CLSTN2: variants seen among roughly 807,000 people sequenced by gnomAD.
The protein encoded by CLSTN2 is calsyntenin-2.
A neutral mutation model predicts 101.2 loss-of-function variants in CLSTN2; 48 were observed. The observed-to-expected ratio is 0.47, with a 90% CI of 0.38 to 0.60. CLSTN2 has a LOEUF of 0.60. Among genes scored for constraint, CLSTN2 ranks in the 20% least tolerant of loss-of-function variants. CLSTN2 has a pLI of 0.00. For synonymous variants in CLSTN2, 481 were observed against 463.6 expected (o/e 1.04, Z -0.48); for missense variants, 1,160 against 1,238.2 (o/e 0.94, Z 0.95).
At chr3:140,560,898 G>A (rs982701025) in intron 12 of CLSTN2, among the ~76,000 whole-genome samples, 10 of 152,172 alleles carry the variant, frequency 6.6e-5, no homozygotes, top group African/African-American at 1.7e-4. Context: ...TGTCTTAAGC[G>A]TATGTTATTG....
At position 140,163,419 on chromosome 3, in the gene CLSTN2, T is replaced by TACACACACACACACACACACACACACAC. The variant is rs60464575; in HGVS notation, c.110-12528_110-12501dup. On this transcript the variant is annotated intron_variant, in intron 1 of 16. Transcript: ENST00000458420. ...TCAATTCTTTAAAATTTTCTATCTCTACACACACACACACACACACACACA... is the reference window on the plus strand; with the variant it reads ...TCAATTCTTTAAAATTTTCTATCTCTACACACACACACACACACACACACACACACACACACACACACACACACACACA... Among the ~76,000 whole-genome samples the TACACACACACACACACACACACACACAC allele has an allele frequency of 1.7e-3, 247 of 145,098 alleles. 1 individual carries two copies. The highest frequency in any genetic ancestry group is 6.0e-3 in the African/African-American group (237 of 39,670).
At chr3:140,457,609 T>A (rs1336094186) in intron 6 of CLSTN2, among the ~76,000 whole-genome samples, 1 of 152,164 alleles carries the variant, frequency 6.6e-6, no homozygotes, top group Non-Finnish European at 1.5e-5. Flanking sequence ...ATAAGTAACA[T>A]GGATATCAAT....
At chr3:140,563,534 C>T (rs1295688558) in intron 15 of CLSTN2, among the ~76,000 whole-genome samples, 2 of 152,164 alleles carry the variant, frequency 1.3e-5, no homozygotes, top group Non-Finnish European at 2.9e-5. Context: ...CACCATATTG[C>T]AACGTCCTCT....
At chr3:140,516,493 A>G (rs776213806) in intron 8 of CLSTN2, among the ~76,000 whole-genome samples, 1 of 151,218 alleles carries the variant, frequency 6.6e-6, no homozygotes, top group African/African-American at 2.4e-5. Flanking sequence ...TTCAAGATTT[A>G]GAGGTGCTTT....
chr3:140,506,750 G>A, intron 8 of CLSTN2: 1 of 152,196 alleles, frequency 6.6e-6, no homozygotes, highest in East Asian at 1.9e-4. Flanking sequence ...TTAGTCACCT[G>A]TGACTGTCAA....
Position 139,935,370 on chromosome 3 carries a change from C to G in CLSTN2, c.-5C>G. 1 of 1,225,710 alleles carries G rather than the reference C, an allele frequency of 8.2e-7. No individual in the cohort carries two copies. Among genetic ancestry groups the G allele is most frequent in the Non-Finnish European group, 1.0e-6 (1 of 983,072 alleles). 75.9% of individuals were successfully genotyped at this position (1,225,710 alleles called of 1,614,324 possible). A position where few individuals can be genotyped will look rare whatever the true frequency, so the allele number is the denominator to read the frequency against. On this transcript the variant is annotated 5_prime_UTR_variant, in exon 1 of 17. Coordinates refer to ENST00000458420, the MANE Select transcript of CLSTN2 (RefSeq NM_022131.3). The surrounding 1 kb of genome is among the most constrained non-coding windows in gnomAD (Gnocchi z 5.5). ...GGCTGCAGCTCGTTGGCGGCTGCTG[C>G]GAGGATGCTGCCTGGGCGGCTGTGC...
intron 8 of CLSTN2, among the ~76,000 whole-genome samples, chr3:140,495,892 T>C (rs946726767): frequency 2.6e-5 from 4 of 152,230 alleles, no homozygotes; most frequent in Non-Finnish European, 5.9e-5. Context: ...TGAAGTCAGG[T>C]AGCATGATGC....
At chr3:140,352,268 G>A (rs994976265) in intron 2 of CLSTN2, among the ~76,000 whole-genome samples, 1 of 152,170 alleles carries the variant, frequency 6.6e-6, no homozygotes, top group Non-Finnish European at 1.5e-5. Context: ...GGCTACAGAC[G>A]AATCCACAAA....
intron 2 of CLSTN2, among the ~76,000 whole-genome samples, chr3:140,199,055 T>C (rs961940117): frequency 2.0e-5 from 3 of 152,190 alleles, no homozygotes; most frequent in Non-Finnish European, 4.4e-5. Context: ...TCCATGGAGA[T>C]TCTAACTCTG....
chr3:140,274,237 C>T (rs909393458), intron 2 of CLSTN2, among the ~76,000 whole-genome samples: 2 of 152,068 alleles, frequency 1.3e-5, no homozygotes, highest in African/African-American at 4.8e-5. Context: ...ACTCTGCTTC[C>T]TAGATAAGAA....
chr3:140,271,972 C>T (rs1370627612), intron 2 of CLSTN2, among the ~76,000 whole-genome samples: 1 of 152,200 alleles, frequency 6.6e-6, no homozygotes, highest in East Asian at 1.9e-4. Flanking sequence ...TCTTTAACTT[C>T]CTGTCCTATT....
chr3:140,492,915 T>C (rs2107758320), intron 8 of CLSTN2, among the ~76,000 whole-genome samples: 1 of 152,222 alleles, frequency 6.6e-6, no homozygotes, highest in East Asian at 1.9e-4. Flanking sequence ...TCCCACCATA[T>C]AAAGGAATAT....
At chr3:139,941,562 A>G (rs922723575) in intron 1 of CLSTN2, among the ~76,000 whole-genome samples, 1 of 152,354 alleles carries the variant, frequency 6.6e-6, no homozygotes, top group Non-Finnish European at 1.5e-5. Flanking sequence ...TGGGAAAATC[A>G]TAGATTGTGC....
At chr3:140,002,842 T>G in intron 1 of CLSTN2, among the ~76,000 whole-genome samples, 1 of 152,236 alleles carries the variant, frequency 6.6e-6, no homozygotes, top group Admixed American at 6.5e-5. Flanking sequence ...ATGTATGTTC[T>G]TGTCACTTTT....
intron 1 of CLSTN2, among the ~76,000 whole-genome samples, chr3:140,003,228 A>G (rs2107748297): frequency 6.6e-6 from 1 of 152,118 alleles, no homozygotes; most frequent in Middle Eastern, 3.4e-3. Flanking sequence ...TGTCTTCTTC[A>G]ATTTCTGTGT....
At chr3:140,143,366 G>C (rs1350881151) in intron 1 of CLSTN2, among the ~76,000 whole-genome samples, 1 of 152,166 alleles carries the variant, frequency 6.6e-6, no homozygotes, top group East Asian at 1.9e-4. Flanking sequence ...CGGGGTCTAA[G>C]GGCAGGAGAA....
intron 2 of CLSTN2, among the ~76,000 whole-genome samples, chr3:140,177,152 A>C (rs550042519): frequency 6.6e-6 from 1 of 152,348 alleles, no homozygotes; most frequent in South Asian, 2.1e-4. Flanking sequence ...TATTCTCAGA[A>C]GAAAGCTTTA....
At chr3:140,397,190 C>G (rs766535242) in intron 2 of CLSTN2, among the ~76,000 whole-genome samples, 1 of 151,962 alleles carries the variant, frequency 6.6e-6, no homozygotes, top group African/African-American at 2.4e-5. Context: ...TAATATTGAG[C>G]TTAATAGAAA....
chr3:140,032,504 T>G lies in CLSTN2; in HGVS notation c.109+97021T>G, dbSNP rs867709712. ...GGTGCCAGCCACCACATCTGGCTAA[T>G]TTTTGTATTTTTAGTAGAGATGGGG... On this transcript the variant is annotated intron_variant, in intron 1 of 16. Coordinates refer to ENST00000458420, the MANE Select transcript of CLSTN2 (RefSeq NM_022131.3). Among the ~76,000 whole-genome samples the G allele has an allele frequency of 2.6e-4, 39 of 152,272 alleles. No individual in the cohort carries two copies. The Middle Eastern group carries it at 0.014, about 53-fold the overall frequency.
Sources: allele counts gnomAD v4.1 joint callset (sites outside exome capture counted in the v4.1 genomes callset), GRCh38; gene constraint gnomAD v4.1.1; non-coding constraint Gnocchi (gnomAD v3.1); transcripts MANE v1.5; gene names NCBI Gene and HGNC (gene_info 2026-07-23, HGNC 2026-07-21).